Variants in BHLHA15 observed in about 807,000 individuals in gnomAD.
BHLHA15 encodes the protein class A basic helix-loop-helix protein 15.
Under a neutral mutation model 10.4 loss-of-function variants are expected in BHLHA15, and 7 were observed. The ratio of observed to expected loss-of-function variants is 0.67; its 90% CI spans 0.38 to 1.26. The LOEUF (loss-of-function observed/expected upper bound fraction) is 1.26. Among genes scored for constraint, BHLHA15 ranks in the 50% most tolerant of loss-of-function variants. The probability of loss-of-function intolerance (pLI) is 0.02; values close to 1 mark genes in which losing one functional copy is unlikely to be tolerated. For synonymous variants in BHLHA15, 140 were observed against 131.5 expected, an observed-to-expected ratio of 1.06 and a Z score of -0.44; for missense variants, 289 against 287.4, an observed-to-expected ratio of 1.01 and a Z score of -0.04.
Position 98,212,765 on chromosome 7 carries a change from C to T in BHLHA15, c.456C>T (p.His152=). 6.4e-7 allele frequency: 1 copy of T among 1,551,688 alleles called. No individual in the cohort carries two copies. The highest frequency in any genetic ancestry group is 8.7e-7 in the Non-Finnish European group (1 of 1,148,990). Residue 152 remains histidine (H), a synonymous_variant, in exon 2 of 2, where the codon CAC becomes CAT. Coordinates refer to ENST00000609256, the MANE Select transcript of BHLHA15 (RefSeq NM_177455.4). ...GGCCGGGCCCCAAGCTCTACCAGCA[C>T]TACCAGCAGCAGCAGCAGGTGGCTG... ...LEGPGPKLYQ[H]YQQQQQVAGG... is the part of the protein sequence containing the mutation.
At position 98,212,919 on chromosome 7, in the gene BHLHA15, C is replaced by A; in HGVS notation, c.*40C>A. 6.7e-7 allele frequency: 1 copy of A among 1,493,386 alleles called. No individual in the cohort carries two copies. The highest frequency in any genetic ancestry group is 1.3e-5 in the South Asian group (1 of 76,506). The allele number at this position is 1,493,386 out of a possible 1,614,324, so 92.5% of individuals were successfully genotyped here. ...TGGGGGTGGCGGTGGCCGCAGCTGC[C>A]TGGCCTGCTCCTCCCAGCCCCAGTC... On this transcript the variant is annotated 3_prime_UTR_variant, in exon 2 of 2. Transcript: ENST00000609256.
At position 98,212,721 on chromosome 7, in the gene BHLHA15, C is replaced by T. The variant is rs1336032129; in HGVS notation, c.412C>T (p.Arg138Cys). The change falls in exon 2 of 2, where the codon CGC becomes TGC. Residue 138 changes from arginine to cysteine, a missense_variant. Physicochemically the swap from Arg to Cys is radical, Grantham distance 180. Coordinates refer to ENST00000609256, the MANE Select transcript of BHLHA15 (RefSeq NM_177455.4). The part of the protein sequence containing the change: ...TATILTMSSS[R>C]LPGLEGPGPK... ...CACCATCCTGACCATGTCCAGCAGC[C>T]GCCTCCCAGGCCTGGAGGGGCCGGG... 56 of 1,561,388 alleles carry T rather than the reference C, an allele frequency of 3.6e-5. No homozygotes were observed. Among genetic ancestry groups the T allele is most frequent in the East Asian group, 4.7e-5 (2 of 42,254 alleles).
intron 1 of BHLHA15, 119 bp from the exon 2 acceptor site, chr7:98,212,137 C>T: frequency 5.5e-6 from 3 of 544,334 alleles, no homozygotes; most frequent in Non-Finnish European, 8.8e-6. Context: ...TCGCAGAGCG[C>T]CAACCCCTGC....
chr7:98,212,613 A>G lies in BHLHA15; in HGVS notation c.304A>G (p.Ile102Val), dbSNP rs1407547687. 1.9e-6 allele frequency: 3 copies of G among 1,607,506 alleles called. No homozygotes were observed. The highest frequency in any genetic ancestry group is 2.7e-5 in the African/African-American group (2 of 74,906). ...NNAFQALREV[I>V]PHVRADKKLS... ...CGCCTTCCAGGCCCTGCGTGAAGTC[A>G]TCCCCCACGTGCGCGCGGACAAGAA... Residue 102 changes from isoleucine (I) to valine (V), a missense_variant, in exon 2 of 2, where the codon ATC becomes GTC. Physicochemically the swap from Ile to Val is conservative, Grantham distance 29. Transcript: ENST00000609256.
At chr7:98,212,187 G>A (rs948122722) in intron 1 of BHLHA15, 69 bp from the exon 2 acceptor site, 2 of 942,094 alleles carry the variant, frequency 2.1e-6, no homozygotes, top group Non-Finnish European at 2.9e-6. Flanking sequence ...AGGCTGCCAG[G>A]GACGGCACCC....
At chr7:98,211,546 AG>A (rs1458310763) in intron 1 of BHLHA15, 48 bp downstream of exon 1, 1 of 117,108 alleles carries the variant, frequency 8.5e-6, no homozygotes, top group Non-Finnish European at 1.8e-5. Flanking sequence ...GAGGGGACCC[AG>A]GGGCAGGACC....
rs918668754 is a variant in BHLHA15, at chr7:98,214,390, C to CG, written c.*1515dup. 2.0e-5 allele frequency among the ~76,000 whole-genome samples: 3 copies of CG among 152,226 alleles called. No homozygotes were observed. Among genetic ancestry groups the CG allele is most frequent in the Non-Finnish European group, 4.4e-5 (3 of 68,040 alleles). On this transcript the variant is annotated 3_prime_UTR_variant, in exon 2 of 2. Coordinates refer to ENST00000609256, the MANE Select transcript of BHLHA15 (RefSeq NM_177455.4). ...GCCCCAGCTGTCCTTCAGCACAGCT[C>CG]GGGGTGGGGACTCCAGGATGCTGGG... is the stretch of plus-strand genomic sequence containing the variant.
At chr7:98,211,849 G>A (rs1030590947) in intron 1 of BHLHA15, among the ~76,000 whole-genome samples, 3 of 152,150 alleles carry the variant, frequency 2.0e-5, no homozygotes, top group African/African-American at 7.2e-5. Context: ...GCCCGCCCAC[G>A]GGATGAAGTC....
rs1797917259 is a variant in BHLHA15, at chr7:98,212,302, C to T, written c.-8C>T. The T allele has an allele frequency of 7.4e-6, 10 of 1,356,122 alleles. 1 individual carries two copies. The highest frequency in any genetic ancestry group is 6.0e-5 in the East Asian group (2 of 33,608). The allele number at this position is 1,356,122 out of a possible 1,614,324, so 84.0% of individuals were successfully genotyped here. ...GCCGCCACCTCCTAGGACAGCCAGT[C>T]CAGGGCCATGAAGACCAAGAACCGG... On this transcript the variant is annotated 5_prime_UTR_variant, in exon 2 of 2. Transcript: ENST00000609256.
intron 1 of BHLHA15, among the ~76,000 whole-genome samples, chr7:98,211,890 G>C (rs1797911811): frequency 6.6e-6 from 1 of 152,112 alleles, no homozygotes; most frequent in Non-Finnish European, 1.5e-5. Context: ...CGCCCCCTAA[G>C]CTAGGGTGGG....
At position 98,212,820 on chromosome 7, in the gene BHLHA15, C is replaced by T. The variant is rs746098049; in HGVS notation, c.511C>T (p.Pro171Ser). The change falls in exon 2 of 2, where the codon CCC (proline) becomes TCC (serine). Residue 171 changes from proline (P) to serine (S), a missense_variant. By Grantham distance (74) the Pro-to-Ser change is moderately conservative. Transcript: ENST00000609256. Reference protein sequence around the residue: ...GGALGATEAQPQGHLQRYSTQ... With the variant: ...GGALGATEAQSQGHLQRYSTQ... ...TGCGTTGGGGGCCACGGAGGCCCAG[C>T]CCCAGGGCCACCTGCAGAGGTACTC... 1.5e-5 allele frequency: 23 copies of T among 1,550,508 alleles called. No homozygotes were observed. Among genetic ancestry groups the T allele is most frequent in the African/African-American group, 2.8e-5 (2 of 72,590 alleles).
rs1306078938 is a variant in BHLHA15 at position 98,212,870 on chromosome 7, G to A, written c.561G>A (p.Glu187=). 3 of 1,537,294 alleles carry A rather than the reference G, an allele frequency of 2.0e-6. No homozygotes were observed. Among genetic ancestry groups the A allele is most frequent in the African/African-American group, 2.8e-5 (2 of 71,802 alleles). ...CCACGCAGATCCACAGCTTCCGAGAGGGCACCTAGCGCCCAGTCCTGGGTG... is the reference window on the plus strand; with the variant it reads ...CCACGCAGATCCACAGCTTCCGAGAAGGCACCTAGCGCCCAGTCCTGGGTG... ...RYSTQIHSFR[E]GT The change falls in exon 2 of 2, where the codon GAG becomes GAA. Residue 187 remains glutamate (E), a synonymous_variant. Transcript: ENST00000609256.
In BHLHA15 at chr7:98,213,911, G is replaced by C; in HGVS notation, c.*1032G>C. On this transcript the variant is annotated 3_prime_UTR_variant, in exon 2 of 2. Coordinates refer to ENST00000609256, the MANE Select transcript of BHLHA15 (RefSeq NM_177455.4). ...GGTGGAGCCTTGGGGTGGCAGGTAC[G>C]TCCCTTCCCCCGCCCAGGTGCTTCA... is the stretch of plus-strand genomic sequence containing the variant. Among the ~76,000 whole-genome samples, 1 of 152,208 alleles carries C rather than the reference G, an allele frequency of 6.6e-6. No individual in the cohort carries two copies.
At position 98,213,737 on chromosome 7, in the gene BHLHA15, G is replaced by T. The variant is rs997589337; in HGVS notation, c.*858G>T. Among the ~76,000 whole-genome samples the T allele has an allele frequency of 6.6e-6, 1 of 152,204 alleles. No homozygotes were observed. Among genetic ancestry groups the T allele is most frequent in the South Asian group, 2.1e-4 (1 of 4,834 alleles). ...CTCAGCCCTGGCCTGTGTGGGGAGCGAGTGTGCCCCCCACCCAGCCCCTGC... is the reference window on the plus strand; with the variant it reads ...CTCAGCCCTGGCCTGTGTGGGGAGCTAGTGTGCCCCCCACCCAGCCCCTGC... On this transcript the variant is annotated 3_prime_UTR_variant, in exon 2 of 2. Transcript: ENST00000609256.
chr7:98,212,652 G>A lies in BHLHA15; in HGVS notation c.343G>A (p.Glu115Lys), dbSNP rs774688814. 3.1e-6 allele frequency: 5 copies of A among 1,598,584 alleles called. No homozygotes were observed. Among genetic ancestry groups the A allele is most frequent in the Admixed American group, 1.8e-5 (1 of 57,134 alleles). ...CGCGGACAAGAAGCTCTCCAAGATC[G>A]AGACGCTCACGCTGGCCAAGAACTA... Reference protein sequence around the residue: ...VRADKKLSKIETLTLAKNYIK... With the variant: ...VRADKKLSKIKTLTLAKNYIK... The change falls in exon 2 of 2, where the codon GAG (glutamate) becomes AAG (lysine). Residue 115 changes from glutamate to lysine, a missense_variant. By Grantham distance (56) the Glu-to-Lys change is moderately conservative. Coordinates refer to ENST00000609256, the MANE Select transcript of BHLHA15 (RefSeq NM_177455.4).
chr7:98,213,298 C>G lies in BHLHA15; in HGVS notation c.*419C>G, dbSNP rs1374162914. Among the ~76,000 whole-genome samples, 1 of 152,198 alleles carries G rather than the reference C, an allele frequency of 6.6e-6. No homozygotes were observed. Among genetic ancestry groups the G allele is most frequent in the Non-Finnish European group, 1.5e-5 (1 of 68,032 alleles). ...CCAAGGCCAAAGCCCCAGCAAGGACCCCCTCTCCAACCTTTGTTATAGGGC... is the reference window on the plus strand; with the variant it reads ...CCAAGGCCAAAGCCCCAGCAAGGACGCCCTCTCCAACCTTTGTTATAGGGC... On this transcript the variant is annotated 3_prime_UTR_variant, in exon 2 of 2. Transcript: ENST00000609256.
chr7:98,213,657 G>A lies in BHLHA15; in HGVS notation c.*778G>A, dbSNP rs1797942064. ...CCTGGTGCAGCCCTTCTGGGCATGGGAGAGAAGCCCCAAGGCCCTGGGTTG... is the reference window on the plus strand; with the variant it reads ...CCTGGTGCAGCCCTTCTGGGCATGGAAGAGAAGCCCCAAGGCCCTGGGTTG... On this transcript the variant is annotated 3_prime_UTR_variant, in exon 2 of 2. Coordinates refer to ENST00000609256, the MANE Select transcript of BHLHA15 (RefSeq NM_177455.4). 6.6e-6 allele frequency among the ~76,000 whole-genome samples: 1 copy of A among 152,182 alleles called. No homozygotes were observed. The highest frequency in any genetic ancestry group is 1.5e-5 in the Non-Finnish European group (1 of 68,020).
Position 98,212,384 on chromosome 7 carries a change from G to A in BHLHA15, c.75G>A (p.Thr25=), listed in dbSNP as rs1181089635. The change falls in exon 2 of 2, where the codon ACG becomes ACA. Residue 25 remains threonine (T), a synonymous_variant. Coordinates refer to ENST00000609256, the MANE Select transcript of BHLHA15 (RefSeq NM_177455.4). ...QDTEATPGEG[T]PDGSLPNPGP... is the part of the protein sequence containing the mutation. ...CAGAGGCCACCCCCGGGGAGGGGAC[G>A]CCCGACGGGTCCCTGCCGAACCCGG... The A allele has an allele frequency of 1.3e-5, 19 of 1,446,166 alleles. No homozygotes were observed. The highest frequency in any genetic ancestry group is 7.2e-5 in the South Asian group (5 of 69,850). 89.6% of individuals were successfully genotyped at this position (1,446,166 alleles called of 1,614,324 possible).
Position 98,212,819 on chromosome 7 carries a change from G to A in BHLHA15, c.510G>A (p.Gln170=). The A allele has an allele frequency of 6.5e-7, 1 of 1,550,360 alleles. No individual in the cohort carries two copies. Reference sequence around the variant, plus strand: ...GTGCGTTGGGGGCCACGGAGGCCCAGCCCCAGGGCCACCTGCAGAGGTACT... The same window carrying A: ...GTGCGTTGGGGGCCACGGAGGCCCAACCCCAGGGCCACCTGCAGAGGTACT... ...AGGALGATEA[Q]PQGHLQRYST... is the part of the protein sequence containing the mutation. Residue 170 remains glutamine, a synonymous_variant, in exon 2 of 2, where the codon CAG becomes CAA. Coordinates refer to ENST00000609256, the MANE Select transcript of BHLHA15 (RefSeq NM_177455.4).
Sources: gnomAD v4.1 joint callset for allele counts (sites outside exome capture counted in the v4.1 genomes callset) on GRCh38, gnomAD v4.1.1 for gene constraint, MANE v1.5 for transcripts, NCBI Gene and HGNC (gene_info 2026-07-23, HGNC 2026-07-21) for gene names.